The following MARCHF1 variants were observed in gnomAD, a reference collection of about 807,000 sequenced individuals.
MARCHF1 encodes membrane associated ring-CH-type finger 1.
Under a neutral mutation model 54.2 loss-of-function variants are expected in MARCHF1, and 40 were observed. The ratio of observed to expected loss-of-function variants is 0.74; its 90% confidence interval spans 0.57 to 0.96. The LOEUF is 0.96. Ranked by LOEUF, MARCHF1 falls within the 40% of genes least tolerant of loss-of-function variation. MARCHF1 has a pLI of 0.00. For missense variants in MARCHF1, 586 were observed against 656.5 expected, an observed-to-expected ratio of 0.89 and a Z score of 1.17; for synonymous variants, 236 against 236.3, an observed-to-expected ratio of 1.00 and a Z score of 0.01.
At chr4:164,383,494 C>T (rs561463742) in intron 1 of MARCHF1, 1 of 152,460 alleles carries the variant, frequency 6.6e-6, no homozygotes, top group African/African-American at 2.4e-5. Flanking sequence ...GGGTGCGGCT[C>T]CGTGACTAGT....
chr4:164,310,059 TTC>T (rs1734806615), intron 1 of MARCHF1, among the ~76,000 whole-genome samples: 1 of 151,916 alleles, frequency 6.6e-6, no homozygotes. Context: ...GATTTTTTAA[TTC>T]TTTTTATTTT....
chr4:163,919,173 T>A (rs560165167), intron 3 of MARCHF1, among the ~76,000 whole-genome samples: 37 of 152,242 alleles, frequency 2.4e-4, no homozygotes, highest in African/African-American at 8.9e-4. Context: ...ATGAGTTGAA[T>A]TTTATTTGAA....
At position 164,096,199 on chromosome 4, in the gene MARCHF1, T is replaced by C. The variant is rs530368976; in HGVS notation, c.-248+15389A>G. Among the ~76,000 whole-genome samples the C allele has an allele frequency of 3.9e-5, 6 of 152,214 alleles. No individual in the cohort carries two copies. The East Asian group carries it at 1.2e-3, about 29-fold the overall frequency. On this transcript the variant is annotated intron_variant, in intron 2 of 9. Coordinates refer to ENST00000514618, the MANE Select transcript of MARCHF1 (RefSeq NM_001394959.1). ...CATCGATGGTGGACTGACTAAAGAA[T>C]ATGTGGTACATATATATTATGGAAT...
At chr4:163,733,031 A>G (rs1415873071) in intron 4 of MARCHF1, among the ~76,000 whole-genome samples, 2 of 150,312 alleles carry the variant, frequency 1.3e-5, no homozygotes, top group South Asian at 2.1e-4. Flanking sequence ...AGATGCCTGT[A>G]ATCCCAGCTA....
intron 3 of MARCHF1, among the ~76,000 whole-genome samples, chr4:163,978,372 A>T (rs192105395): frequency 6.6e-6 from 1 of 152,344 alleles, no homozygotes; most frequent in East Asian, 1.9e-4. Flanking sequence ...AAATACAGTC[A>T]ACATAGGGAA....
chr4:164,094,229 CCT>C (rs1224485360), intron 2 of MARCHF1, among the ~76,000 whole-genome samples: 1 of 152,068 alleles, frequency 6.6e-6, no homozygotes, highest in Non-Finnish European at 1.5e-5. Context: ...AAACTCTAAT[CCT>C]CTCTCAGTTA....
At chr4:163,968,227 C>G (rs1378919219) in intron 3 of MARCHF1, among the ~76,000 whole-genome samples, 10 of 105,022 alleles carry the variant, frequency 9.5e-5, no homozygotes, top group Non-Finnish European at 2.4e-5. Context: ...TCATTGGACC[C>G]TATTTGCTAT....
intron 2 of MARCHF1, among the ~76,000 whole-genome samples, chr4:164,082,370 T>C (rs1755119572): frequency 6.6e-6 from 1 of 152,132 alleles, no homozygotes; most frequent in Non-Finnish European, 1.5e-5. Context: ...CATTATAACT[T>C]TTGCCAAAAA....
At chr4:164,188,188 G>A (rs1285906264) in intron 1 of MARCHF1, 1 of 160,816 alleles carries the variant, frequency 6.2e-6, no homozygotes, top group Admixed American at 6.2e-5. Flanking sequence ...ACGTTTGGTT[G>A]TGTTTTTTAC....
intron 2 of MARCHF1, among the ~76,000 whole-genome samples, chr4:163,994,138 G>A (rs1753018433): frequency 6.6e-6 from 1 of 152,042 alleles, no homozygotes; most frequent in Non-Finnish European, 1.5e-5. Flanking sequence ...TTCAGAAAAT[G>A]TAAAGCAGTC....
rs117323321 is a variant in MARCHF1, at chr4:163,620,890, T to C, written c.163-7497A>G. Among the ~76,000 whole-genome samples the C allele has an allele frequency of 1.6e-4, 24 of 152,304 alleles. No individual in the cohort carries two copies. In the East Asian group the frequency reaches 4.6e-3, roughly 29 times the overall value. The stretch of plus-strand genomic sequence containing the variant: ...ATTTCGTAATGTTTAAAATCTCTAA[T>C]TTAATAATGAGAAAAGTAATTCTTT... On this transcript the variant is annotated intron_variant, in intron 5 of 9. Coordinates refer to ENST00000514618, the MANE Select transcript of MARCHF1 (RefSeq NM_001394959.1).
intron 5 of MARCHF1, among the ~76,000 whole-genome samples, chr4:163,685,255 G>C (rs978756206): frequency 6.6e-6 from 1 of 151,998 alleles, no homozygotes; most frequent in African/African-American, 2.4e-5. Context: ...TTTGACGGCA[G>C]TTAAGTGAAG....
At chr4:164,322,050 A>C (rs114857746) in intron 1 of MARCHF1, among the ~76,000 whole-genome samples, 2,577 of 152,188 alleles carry the variant, frequency 0.017, 67 homozygotes, top group African/African-American at 0.058. Context: ...AGGAATACAA[A>C]GAGAAGTATA....
intron 4 of MARCHF1, among the ~76,000 whole-genome samples, chr4:163,853,405 A>G (rs910456022): frequency 1.3e-5 from 2 of 152,352 alleles, no homozygotes; most frequent in African/African-American, 4.8e-5. Context: ...AACAAAGAAC[A>G]TTTAAAATTC....
At chr4:164,142,446 T>C (rs1348136692) in intron 1 of MARCHF1, among the ~76,000 whole-genome samples, 2 of 152,286 alleles carry the variant, frequency 1.3e-5, no homozygotes, top group East Asian at 3.9e-4. Flanking sequence ...AAGAGAGCAG[T>C]GGTTCTCCCA....
chr4:164,298,800 T>C (rs1200714346), intron 1 of MARCHF1, among the ~76,000 whole-genome samples: 1 of 152,134 alleles, frequency 6.6e-6, no homozygotes, highest in Non-Finnish European at 1.5e-5. Context: ...TATTTTATTA[T>C]TCTACAAGTT....
intron 1 of MARCHF1, chr4:164,197,822 G>C: frequency 6.6e-7 from 1 of 1,520,970 alleles, no homozygotes; most frequent in Non-Finnish European, 8.8e-7. Flanking sequence ...AGCTCCGCTC[G>C]GTTCTCGAGC....
At chr4:163,886,483 TAA>T (rs571843171) in intron 3 of MARCHF1, among the ~76,000 whole-genome samples, 1 of 151,450 alleles carries the variant, frequency 6.6e-6, no homozygotes, top group Non-Finnish European at 1.5e-5. Flanking sequence ...AGGCAGCTTG[TAA>T]AAAAAATACT....
At chr4:164,118,544 C>T (rs1245558058) in intron 1 of MARCHF1, among the ~76,000 whole-genome samples, 2 of 151,028 alleles carry the variant, frequency 1.3e-5, no homozygotes, top group East Asian at 3.9e-4. Flanking sequence ...ATATAATACA[C>T]CCATTTAAGC....
Sources: gnomAD v4.1 joint callset for allele counts (sites outside exome capture counted in the v4.1 genomes callset) on GRCh38, gnomAD v4.1.1 for gene constraint, MANE v1.5 for transcripts, NCBI Gene and HGNC (gene_info 2026-07-23, HGNC 2026-07-21) for gene names.